SCAMP5: variants seen among roughly 807,000 people sequenced by gnomAD.
SCAMP5 encodes secretory carrier-associated membrane protein 5.
A neutral mutation model predicts 28.3 loss-of-function variants in SCAMP5; 7 were observed. The ratio of observed to expected loss-of-function variants is 0.25; its 90% CI spans 0.14 to 0.46. The LOEUF (loss-of-function observed/expected upper bound fraction) is 0.46. Ranked by LOEUF, SCAMP5 falls within the 20% of genes least tolerant of loss-of-function variation. SCAMP5 has a pLI of 0.99. For missense variants in SCAMP5, 192 were observed against 312.5 expected (o/e 0.61, Z 2.91); for synonymous variants, 117 against 116.4 (o/e 1.00, Z -0.03).
chr15:75,000,675 C>T (rs2141424599), intron 1 of SCAMP5, among the ~76,000 whole-genome samples: 1 of 141,652 alleles, frequency 7.1e-6, no homozygotes. Flanking sequence ...TGAGCCATCG[C>T]ACCCAGCCTT....
chr15:75,007,407 A>G (rs1191064054), intron 1 of SCAMP5, among the ~76,000 whole-genome samples: 1 of 152,032 alleles, frequency 6.6e-6, no homozygotes, highest in Non-Finnish European at 1.5e-5. Context: ...TCTTTTTTTG[A>G]GACAGGGTCT....
rs749465163 is a variant in SCAMP5 at position 75,020,626 on chromosome 15, T to G, written c.*1643T>G. 2.6e-5 allele frequency: 4 copies of G among 152,252 alleles called. No individual in the cohort carries two copies. The highest frequency in any genetic ancestry group is 1.3e-4 in the Admixed American group (2 of 15,282). The allele number at this position is 152,252 out of a possible 1,614,324, so 9.4% of individuals were successfully genotyped here. ...GTTCCAAGCAGTGTGAGAACATGGCTGGTAGAGGCTCTAGCTGTGTGCGGG... is the reference window on the plus strand; with the variant it reads ...GTTCCAAGCAGTGTGAGAACATGGCGGGTAGAGGCTCTAGCTGTGTGCGGG... On this transcript the variant is annotated 3_prime_UTR_variant, in exon 7 of 7. Coordinates refer to ENST00000425597, the MANE Select transcript of SCAMP5 (RefSeq NM_138967.4).
At chr15:75,010,010 G>A (rs2065796859) in intron 1 of SCAMP5, 1 of 152,100 alleles carries the variant, frequency 6.6e-6, no homozygotes, top group South Asian at 2.1e-4. Context: ...GCAAATTTCT[G>A]CCCAGCTTTT....
In SCAMP5 at chr15:75,018,347, C is replaced by A; in HGVS notation, c.396-71C>A. ...TCCTCCCTGTGGCAATGAGACGGTC[C>A]CTTCCTCTAGCGGGGGGCTCCTGGG... On this transcript the variant is annotated intron_variant, in intron 5 of 6. Transcript: ENST00000425597. This position sits in a 1 kb window ranked among gnomAD's most constrained non-coding sequence, Gnocchi z 5.6. 1.1e-6 allele frequency: 1 copy of A among 912,078 alleles called. No homozygotes were observed. Among genetic ancestry groups the A allele is most frequent in the Non-Finnish European group, 1.9e-6 (1 of 540,210 alleles). The allele number at this position is 912,078 out of a possible 1,614,324, so 56.5% of individuals were successfully genotyped here. A position where few individuals can be genotyped will look rare whatever the true frequency, so the allele number is the denominator to read the frequency against.
At chr15:75,010,165 A>G (rs2065798100) in intron 1 of SCAMP5, among the ~76,000 whole-genome samples, 2 of 152,194 alleles carry the variant, frequency 1.3e-5, no homozygotes, top group Admixed American at 1.3e-4. Flanking sequence ...AGCATGGGTC[A>G]GCCAGGCCTC....
intron 1 of SCAMP5, among the ~76,000 whole-genome samples, chr15:75,003,908 CTT>C (rs925829013): frequency 6.9e-6 from 1 of 145,748 alleles, no homozygotes. Context: ...TTTATTTTTA[CTT>C]TTTTTTTTTT....
rs200119291 is a variant in SCAMP5 at position 75,018,019 on chromosome 15, G to A, written c.395+48G>A. 1 of 1,227,576 alleles carries A rather than the reference G, an allele frequency of 8.1e-7. No individual in the cohort carries two copies. The highest frequency in any genetic ancestry group is 1.7e-5 in the Admixed American group (1 of 58,456). 76.0% of individuals were successfully genotyped at this position (1,227,576 alleles called of 1,614,324 possible). A position where few individuals can be genotyped will look rare whatever the true frequency, so the allele number is the denominator to read the frequency against. ...GGGGCTGGCAGGGGTGGCGTTGTGGGTGTATCTTTTGCTTACCTTTGTGTG... is the reference window on the plus strand; with the variant it reads ...GGGGCTGGCAGGGGTGGCGTTGTGGATGTATCTTTTGCTTACCTTTGTGTG... On this transcript the variant is annotated intron_variant, in intron 5 of 6. Transcript: ENST00000425597. This position sits in a 1 kb window ranked among gnomAD's most constrained non-coding sequence, Gnocchi z 5.6.
At position 74,998,433 on chromosome 15, in the gene SCAMP5, G is replaced by A. The variant is rs138030550; in HGVS notation, c.-49+2760G>A. ...CCAGCCTGGCCAACATGGTGAAACC[G>A]TGTCTCTAGTAAAAATACAAAAATT... is the stretch of plus-strand genomic sequence containing the variant. On this transcript the variant is annotated intron_variant, in intron 1 of 6. Transcript: ENST00000425597. 2.4e-4 allele frequency among the ~76,000 whole-genome samples: 36 copies of A among 152,002 alleles called. No homozygotes were observed. In the East Asian group the frequency reaches 2.9e-3, roughly 12 times the overall value.
rs186880735 is a variant in SCAMP5, at chr15:75,012,326, G to A, written c.8-351G>A. Reference sequence around the variant, plus strand: ...AGAGCACAAATGCTGAGTGGAGGCTGGAACCCACGTCTGTAGATTCTCACA... The same window carrying A: ...AGAGCACAAATGCTGAGTGGAGGCTAGAACCCACGTCTGTAGATTCTCACA... On this transcript the variant is annotated intron_variant, in intron 2 of 6. Coordinates refer to ENST00000425597, the MANE Select transcript of SCAMP5 (RefSeq NM_138967.4). 4.6e-5 allele frequency among the ~76,000 whole-genome samples: 7 copies of A among 152,330 alleles called. No individual in the cohort carries two copies. The East Asian group carries it at 7.7e-4, about 17-fold the overall frequency.
In SCAMP5 at chr15:75,018,200, G is replaced by A. The variant is rs1953169802; in HGVS notation, c.396-218G>A. On this transcript the variant is annotated intron_variant, in intron 5 of 6. Transcript: ENST00000425597. The surrounding 1 kb of genome is among the most constrained non-coding windows in gnomAD (Gnocchi z 5.6). ...GGTGTCAGGGATTATAGGAAAACCT[G>A]GGGGAAGAAAGTGTTGTATCTGAAG... Among the ~76,000 whole-genome samples, 1 of 152,112 alleles carries A rather than the reference G, an allele frequency of 6.6e-6. No individual in the cohort carries two copies. Among genetic ancestry groups the A allele is most frequent in the Admixed American group, 6.5e-5 (1 of 15,270 alleles).
intron 3 of SCAMP5, among the ~76,000 whole-genome samples, chr15:75,016,351 T>C (rs1400178914): frequency 6.6e-6 from 1 of 152,128 alleles, no homozygotes; most frequent in Non-Finnish European, 1.5e-5. Flanking sequence ...CTCCTCTGCG[T>C]GTGTATGTGT....
intron 1 of SCAMP5, among the ~76,000 whole-genome samples, chr15:75,009,471 G>GTGTGTGTGTGTGTGTGTGTGTGTT: frequency 6.6e-6 from 1 of 151,492 alleles, no homozygotes. Flanking sequence ...GTGTGTGTGT[G>GTGTGTGTGTGTGTGTGTGTGTGTT]TGTGTGTGTG....
chr15:75,004,831 A>G (rs1295349464), intron 1 of SCAMP5, among the ~76,000 whole-genome samples: 1 of 152,154 alleles, frequency 6.6e-6, no homozygotes, highest in Non-Finnish European at 1.5e-5. Context: ...TGCAGCCTAT[A>G]TTCAAGTTTC....
chr15:75,000,754 A>C (rs2065698179), intron 1 of SCAMP5, among the ~76,000 whole-genome samples: 1 of 150,914 alleles, frequency 6.6e-6, no homozygotes, highest in South Asian at 2.1e-4. Context: ...CTGAGGACAA[A>C]GTCCAAATAC....
At chr15:75,005,460 C>CAA (rs762990882) in intron 1 of SCAMP5, among the ~76,000 whole-genome samples, 1 of 97,916 alleles carries the variant, frequency 1.0e-5, no homozygotes, top group Non-Finnish European at 2.2e-5. Context: ...AACTCCGTTT[C>CAA]AAAAAAAAAA....
chr15:75,017,599 A>G (rs1039624118), intron 4 of SCAMP5: 12 of 576,972 alleles, frequency 2.1e-5, no homozygotes, highest in South Asian at 4.4e-5. Flanking sequence ...GGAGCCATCT[A>G]TTTCTATGCC....
intron 1 of SCAMP5, among the ~76,000 whole-genome samples, chr15:75,001,548 G>T (rs1034047923): frequency 6.6e-6 from 1 of 152,020 alleles, no homozygotes; most frequent in East Asian, 1.9e-4. Context: ...GGCTGAGGCG[G>T]GTGGATCTCT....
At position 75,019,150 on chromosome 15, in the gene SCAMP5, C is replaced by T. The variant is rs555716929; in HGVS notation, c.*167C>T. On this transcript the variant is annotated 3_prime_UTR_variant, in exon 7 of 7. Transcript: ENST00000425597. ...ATATATATATGTATATGTCTGTACC[C>T]CAGCCCCCACCTTTCAGATTCTGCT... is the stretch of plus-strand genomic sequence containing the variant. The T allele has an allele frequency of 2.4e-6, 1 of 421,728 alleles. No homozygotes were observed. The highest frequency in any genetic ancestry group is 4.1e-6 in the Non-Finnish European group (1 of 243,666). 26.1% of individuals were successfully genotyped at this position (421,728 alleles called of 1,614,324 possible).
At position 75,017,986 on chromosome 15, in the gene SCAMP5, T is replaced by A; in HGVS notation, c.395+15T>A. 1.3e-6 allele frequency: 2 copies of A among 1,560,634 alleles called. No individual in the cohort carries two copies. Among genetic ancestry groups the A allele is most frequent in the Non-Finnish European group, 1.8e-6 (2 of 1,132,040 alleles). Reference sequence around the variant, plus strand: ...TGGGGCGTCTGGTAAGAGGCAGGGGTGTGGCCTGGGGCTGGCAGGGGTGGC... The same window carrying A: ...TGGGGCGTCTGGTAAGAGGCAGGGGAGTGGCCTGGGGCTGGCAGGGGTGGC... On this transcript the variant is annotated intron_variant, in intron 5 of 6. Transcript: ENST00000425597.
Sources: gnomAD v4.1 joint callset for allele counts (sites outside exome capture counted in the v4.1 genomes callset) on GRCh38, gnomAD v4.1.1 for gene constraint, Gnocchi (gnomAD v3.1) non-coding constraint, MANE v1.5 for transcripts, NCBI Gene and HGNC (gene_info 2026-07-23, HGNC 2026-07-21) for gene names.